THRB: variants seen among roughly 807,000 people sequenced by gnomAD.
The protein encoded by THRB is nuclear receptor subfamily 1 group A member 2.
THRB carries 12 observed loss-of-function variants against 47.8 expected under a neutral mutation model. The observed-to-expected ratio is 0.25, with a 90% confidence interval of 0.16 to 0.41. THRB has a LOEUF of 0.41. Ranked by LOEUF, THRB falls within the 10% of genes least tolerant of loss-of-function variation. The pLI is 1.00. For synonymous variants in THRB, 218 were observed against 212.2 expected, an observed-to-expected ratio of 1.03 and a Z score of -0.24; for missense variants, 348 against 589.2, an observed-to-expected ratio of 0.59 and a Z score of 4.24.
rs143127644 is a variant in THRB at position 24,437,195 on chromosome 3, A to G, written c.-261+57457T>C. Among the ~76,000 whole-genome samples the G allele has an allele frequency of 4.1e-3, 618 of 150,426 alleles. 3 individuals are homozygous for G. Among genetic ancestry groups the G allele is most frequent in the African/African-American group, 0.015 (598 of 41,192 alleles). On this transcript the variant is annotated intron_variant, in intron 1 of 10. Coordinates refer to ENST00000646209, the MANE Select transcript of THRB (RefSeq NM_001354712.2). The stretch of plus-strand genomic sequence containing the variant: ...AATGTATATATATATATAATGAAAT[A>G]TTATTCAGCCAAAAACATGAAATCC...
At chr3:24,483,538 T>C (rs1478083954) in intron 1 of THRB, among the ~76,000 whole-genome samples, 3 of 151,084 alleles carry the variant, frequency 2.0e-5, no homozygotes, top group African/African-American at 4.9e-5. Flanking sequence ...CTGATAATGA[T>C]ATGAGGATTC....
chr3:24,165,755 A>C (rs1337619600), intron 5 of THRB, among the ~76,000 whole-genome samples: 1 of 152,186 alleles, frequency 6.6e-6, no homozygotes, highest in Non-Finnish European at 1.5e-5. Context: ...GCTAAGATGC[A>C]TTTTATATGC....
chr3:24,428,588 T>C (rs1487320879), intron 1 of THRB, among the ~76,000 whole-genome samples: 1 of 151,988 alleles, frequency 6.6e-6, no homozygotes, highest in African/African-American at 2.4e-5. Context: ...CATGATCAGA[T>C]ATCAGGATAA....
intron 3 of THRB, among the ~76,000 whole-genome samples, chr3:24,286,585 G>A (rs1169179753): frequency 2.0e-5 from 3 of 152,164 alleles, no homozygotes; most frequent in Admixed American, 2.0e-4. Context: ...ATGGCTTGTA[G>A]ATATAGCTGA....
intron 2 of THRB, among the ~76,000 whole-genome samples, chr3:24,302,454 C>T (rs2057012738): frequency 6.6e-6 from 1 of 152,138 alleles, no homozygotes; most frequent in Admixed American, 6.5e-5. Context: ...ATTCCATCTC[C>T]ATTTGTAATT....
intron 1 of THRB, chr3:24,455,419 T>C (rs947973957): frequency 6.6e-6 from 1 of 152,188 alleles, no homozygotes; most frequent in Non-Finnish European, 1.5e-5. Context: ...GGTCTTTGAT[T>C]ATCTCAGGTT....
chr3:24,190,812 C>T (rs925436141), intron 4 of THRB, among the ~76,000 whole-genome samples: 4 of 150,338 alleles, frequency 2.7e-5, no homozygotes, highest in African/African-American at 4.9e-5. Context: ...TTAAGTGGGA[C>T]GTGCTCACGT....
intron 3 of THRB, among the ~76,000 whole-genome samples, chr3:24,238,393 C>G (rs1408593815): frequency 6.6e-6 from 1 of 150,502 alleles, no homozygotes; most frequent in Non-Finnish European, 1.5e-5. Context: ...CCACCAGATG[C>G]CAGAATATAT....
intron 1 of THRB, among the ~76,000 whole-genome samples, chr3:24,450,729 G>C (rs1386925439): frequency 6.6e-6 from 1 of 152,160 alleles, no homozygotes; most frequent in African/African-American, 2.4e-5. Flanking sequence ...ATCTATAGTA[G>C]GCTCAGCTTT....
At chr3:24,416,987 C>A (rs982929171) in intron 1 of THRB, among the ~76,000 whole-genome samples, 3 of 151,776 alleles carry the variant, frequency 2.0e-5, no homozygotes, top group African/African-American at 7.3e-5. Context: ...GCAGATATTT[C>A]TTTTGTGTCA....
chr3:24,435,646 A>G lies in THRB; in HGVS notation c.-261+59006T>C, dbSNP rs181575489. ...AACCAAAGGGAATGGAAGCTTTCCC[A>G]TATTCCCACAATGCCAGAAGGCAGA... is the stretch of plus-strand genomic sequence containing the variant. On this transcript the variant is annotated intron_variant, in intron 1 of 10. Coordinates refer to ENST00000646209, the MANE Select transcript of THRB (RefSeq NM_001354712.2). 4.7e-3 allele frequency among the ~76,000 whole-genome samples: 723 copies of G among 152,330 alleles called. 9 individuals carry two copies. The highest frequency in any genetic ancestry group is 0.017 in the African/African-American group (688 of 41,572).
intron 3 of THRB, among the ~76,000 whole-genome samples, chr3:24,283,123 A>G (rs1095482): frequency 0.6 from 83,685 of 138,620 alleles, 21,645 homozygotes; most frequent in Middle Eastern, 0.8. Context: ...GGGCAGAGAC[A>G]CAACCAAAAA....
At chr3:24,484,235 T>C (rs1696920340) in intron 1 of THRB, 1 of 152,166 alleles carries the variant, frequency 6.6e-6, no homozygotes, top group African/African-American at 2.4e-5. Flanking sequence ...AACCAATATA[T>C]CTGGCAAGAA....
intron 3 of THRB, among the ~76,000 whole-genome samples, chr3:24,233,884 C>T (rs2048596201): frequency 6.6e-6 from 1 of 152,182 alleles, no homozygotes; most frequent in Non-Finnish European, 1.5e-5. Flanking sequence ...TTTCCCTGCC[C>T]TGCCTGACGT....
chr3:24,462,147 A>G (rs2073756699), intron 1 of THRB, among the ~76,000 whole-genome samples: 1 of 148,840 alleles, frequency 6.7e-6, no homozygotes, highest in African/African-American at 2.5e-5. Flanking sequence ...AATAAAAAGC[A>G]TTAGAACATA....
intron 3 of THRB, among the ~76,000 whole-genome samples, chr3:24,233,658 C>T (rs1050675000): frequency 1.3e-5 from 2 of 149,246 alleles, no homozygotes; most frequent in African/African-American, 4.9e-5. Context: ...ATGTGGGCTG[C>T]TACATTTTAA....
chr3:24,352,076 CT>C (rs2063391710), intron 1 of THRB, among the ~76,000 whole-genome samples: 1 of 152,072 alleles, frequency 6.6e-6, no homozygotes, highest in Admixed American at 6.6e-5. Flanking sequence ...CTTTATCTCT[CT>C]TTTGAGGGTG....
intron 9 of THRB, among the ~76,000 whole-genome samples, chr3:24,129,491 A>G (rs2033471820): frequency 6.6e-6 from 1 of 152,260 alleles, no homozygotes; most frequent in Non-Finnish European, 1.5e-5. Flanking sequence ...TTCTTTTCCA[A>G]ATTTCTAGTT....
chr3:24,172,157 A>G (rs1182855192), intron 5 of THRB, among the ~76,000 whole-genome samples: 1 of 152,168 alleles, frequency 6.6e-6, no homozygotes, highest in Non-Finnish European at 1.5e-5. Flanking sequence ...CATGAAACAT[A>G]CTTTGAAAAA....
Sources: gnomAD v4.1 joint callset for allele counts (sites outside exome capture counted in the v4.1 genomes callset) on GRCh38, gnomAD v4.1.1 for gene constraint, MANE v1.5 for transcripts, NCBI Gene and HGNC (gene_info 2026-07-23, HGNC 2026-07-21) for gene names.